The following PRKAG2 variants were observed in gnomAD, a reference collection of about 807,000 sequenced individuals.
PRKAG2 encodes the protein 5'-AMP-activated protein kinase subunit gamma-2.
PRKAG2 carries 26 observed loss-of-function variants against 69.6 expected under a neutral mutation model. The ratio of observed to expected loss-of-function variants is 0.37; its 90% CI spans 0.27 to 0.52. The LOEUF (loss-of-function observed/expected upper bound fraction) is 0.52. Among genes scored for constraint, PRKAG2 ranks in the 20% least tolerant of loss-of-function variants. The probability of loss-of-function intolerance (pLI) is 0.90; values close to 1 mark genes in which losing one functional copy is unlikely to be tolerated. For synonymous variants in PRKAG2, 293 were observed against 285.0 expected (o/e 1.03, Z -0.28); for missense variants, 557 against 740.0 (o/e 0.75, Z 2.87).
chr7:151,748,673 T>C (rs975922651), intron 3 of PRKAG2, among the ~76,000 whole-genome samples: 2 of 151,890 alleles, frequency 1.3e-5, no homozygotes, highest in African/African-American at 2.4e-5. Flanking sequence ...GGGGAGAAAA[T>C]TGAACAAAAA....
chr7:151,744,281 T>C (rs911904110), intron 3 of PRKAG2, among the ~76,000 whole-genome samples: 3 of 152,196 alleles, frequency 2.0e-5, no homozygotes, highest in Non-Finnish European at 2.9e-5. Context: ...TGCCAGGACA[T>C]GTGGCACATG....
In PRKAG2 at chr7:151,756,937, C is replaced by T. The variant is rs561884164; in HGVS notation, c.466+24215G>A. Among the ~76,000 whole-genome samples the T allele has an allele frequency of 2.6e-5, 4 of 152,290 alleles. No homozygotes were observed. The highest frequency in any genetic ancestry group is 2.1e-4 in the South Asian group (1 of 4,826). On this transcript the variant is annotated intron_variant, in intron 3 of 15. Coordinates refer to ENST00000287878, the MANE Select transcript of PRKAG2 (RefSeq NM_016203.4). This position sits in a 1 kb window ranked among gnomAD's most constrained non-coding sequence, Gnocchi z 4.9. Reference sequence around the variant, plus strand: ...GGCCATCTGCAGGAGACGATTCAGACGGGGTCAGCGCTGCGATTCGGGGGA... The same window carrying T: ...GGCCATCTGCAGGAGACGATTCAGATGGGGTCAGCGCTGCGATTCGGGGGA...
chr7:151,706,884 T>C (rs1257477791), intron 3 of PRKAG2, among the ~76,000 whole-genome samples: 1 of 152,220 alleles, frequency 6.6e-6, no homozygotes, highest in African/African-American at 2.4e-5. Flanking sequence ...GGCCAGGGAC[T>C]AGATGGAGTA....
At chr7:151,576,671 T>C (rs1302737212) in intron 6 of PRKAG2, among the ~76,000 whole-genome samples, 2 of 152,132 alleles carry the variant, frequency 1.3e-5, no homozygotes, top group Non-Finnish European at 2.9e-5. Context: ...CGGCTAATTT[T>C]TGTATTTTTG....
rs999749775 is a variant in PRKAG2 at position 151,777,562 on chromosome 7, C to T, written c.466+3590G>A. Among the ~76,000 whole-genome samples the T allele has an allele frequency of 6.6e-6, 1 of 152,142 alleles. No individual in the cohort carries two copies. The highest frequency in any genetic ancestry group is 1.5e-5 in the Non-Finnish European group (1 of 68,024). On this transcript the variant is annotated intron_variant, in intron 3 of 15. Transcript: ENST00000287878. This position sits in a 1 kb window ranked among gnomAD's most constrained non-coding sequence, Gnocchi z 4.3. ...CCCTTGCGTGTGAGCTCTGCATACC[C>T]CGGCTTTCCTTCGCCTTCCTCCATG...
intron 4 of PRKAG2, among the ~76,000 whole-genome samples, chr7:151,672,258 C>G (rs565280600): frequency 6.6e-6 from 1 of 152,162 alleles, no homozygotes; most frequent in South Asian, 2.1e-4. Flanking sequence ...TCTGCCATCA[C>G]GCCCGGGTAA....
chr7:151,658,732 C>T (rs1829878029), intron 4 of PRKAG2, among the ~76,000 whole-genome samples: 1 of 152,198 alleles, frequency 6.6e-6, no homozygotes, highest in Admixed American at 6.5e-5. Flanking sequence ...TTAAACTAAT[C>T]TGCAGCTCTA....
chr7:151,839,125 C>T (rs996601093), intron 1 of PRKAG2, among the ~76,000 whole-genome samples: 9 of 152,262 alleles, frequency 5.9e-5, no homozygotes, highest in Admixed American at 2.6e-4. Context: ...TAGGCAGGGG[C>T]ACGTTGGGCT....
chr7:151,759,173 A>C (rs2075275488), intron 3 of PRKAG2, among the ~76,000 whole-genome samples: 1 of 152,126 alleles, frequency 6.6e-6, no homozygotes, highest in South Asian at 2.1e-4. Flanking sequence ...AGCTCCCTGC[A>C]GGCTCAGAGG....
At chr7:151,809,346 A>C (rs1404382910) in intron 1 of PRKAG2, 1 of 437,810 alleles carries the variant, frequency 2.3e-6, no homozygotes, top group African/African-American at 2.0e-5. Flanking sequence ...CTCGCAGTCC[A>C]CGGCAGGTGT....
rs112495407 is a variant in PRKAG2 at position 151,598,856 on chromosome 7, A to ATT, written c.755-3404_755-3403dup. Reference sequence around the variant, plus strand: ...TAATTGACAATTTATTTTTTTATGTATTTTTTTTTTTTGAGACAGAGTTTA... The same window carrying ATT: ...TAATTGACAATTTATTTTTTTATGTATTTTTTTTTTTTTTGAGACAGAGTTTA... On this transcript the variant is annotated intron_variant, in intron 5 of 15. Coordinates refer to ENST00000287878, the MANE Select transcript of PRKAG2 (RefSeq NM_016203.4). Among the ~76,000 whole-genome samples the ATT allele has an allele frequency of 5.1e-4, 75 of 147,426 alleles. 2 individuals carry two copies. In the Middle Eastern group the frequency reaches 0.014, roughly 27 times the overall value.
chr7:151,857,486 C>T (rs1417208413), intron 1 of PRKAG2, among the ~76,000 whole-genome samples: 5 of 152,162 alleles, frequency 3.3e-5, no homozygotes, highest in African/African-American at 9.7e-5. Context: ...CTCCTCTCCA[C>T]GCATTTTCTC....
At chr7:151,740,117 G>A (rs1037482461) in intron 3 of PRKAG2, among the ~76,000 whole-genome samples, 8 of 152,174 alleles carry the variant, frequency 5.3e-5, no homozygotes, top group Non-Finnish European at 8.8e-5. Flanking sequence ...GAACGCCTGC[G>A]GTCCCTCCAG....
intron 3 of PRKAG2, among the ~76,000 whole-genome samples, chr7:151,718,300 C>T (rs906063087): frequency 6.6e-6 from 1 of 152,010 alleles, no homozygotes; most frequent in Admixed American, 6.5e-5. Context: ...AGCTCTTCCT[C>T]TTCTTGTAAG....
At chr7:151,754,952 C>CT (rs2074978561) in intron 3 of PRKAG2, among the ~76,000 whole-genome samples, 1 of 152,064 alleles carries the variant, frequency 6.6e-6, no homozygotes. Context: ...TGCAGGCTCT[C>CT]TGAGAGGCAG....
At chr7:151,863,963 A>G (rs2151908474) in intron 1 of PRKAG2, among the ~76,000 whole-genome samples, 1 of 151,686 alleles carries the variant, frequency 6.6e-6, no homozygotes, top group African/African-American at 2.4e-5. Context: ...GCTGTATTTT[A>G]TCACAGTAGT....
At chr7:151,727,532 G>A (rs1470504116) in intron 3 of PRKAG2, among the ~76,000 whole-genome samples, 4 of 152,200 alleles carry the variant, frequency 2.6e-5, no homozygotes, top group African/African-American at 9.6e-5. Flanking sequence ...CTGCAGGCTG[G>A]CGCACGGGTG....
At chr7:151,803,837 C>T (rs2077964393) in intron 1 of PRKAG2, among the ~76,000 whole-genome samples, 1 of 149,086 alleles carries the variant, frequency 6.7e-6, no homozygotes, top group Non-Finnish European at 1.5e-5. Flanking sequence ...ACTCAGGAGG[C>T]TGAGGCAGGA....
chr7:151,766,441 CTCAG>C (rs531587957), intron 3 of PRKAG2, among the ~76,000 whole-genome samples: 12 of 152,300 alleles, frequency 7.9e-5, no homozygotes, highest in African/African-American at 2.6e-4. Context: ...ACAACCTGTA[CTCAG>C]TAACAACAGA....
Sources: gnomAD v4.1 joint callset for allele counts (sites outside exome capture counted in the v4.1 genomes callset) on GRCh38, gnomAD v4.1.1 for gene constraint, Gnocchi (gnomAD v3.1) non-coding constraint, MANE v1.5 for transcripts, NCBI Gene and HGNC (gene_info 2026-07-23, HGNC 2026-07-21) for gene names.